The following OSBPL1A variants were observed in gnomAD, a reference collection of about 807,000 sequenced individuals.
The protein encoded by OSBPL1A is oxysterol binding protein like 1A, also known as oxysterol-binding protein-related protein 1.
A neutral mutation model predicts 137.1 loss-of-function variants in OSBPL1A; 80 were observed. The ratio of observed to expected loss-of-function variants is 0.58; its 90% CI spans 0.49 to 0.70. OSBPL1A has a LOEUF of 0.70. OSBPL1A is among the 30% of genes least tolerant of loss of function. The pLI is 0.00. For missense variants in OSBPL1A, 970 were observed against 1,129.4 expected (o/e 0.86, Z 2.02); for synonymous variants, 365 against 389.7 (o/e 0.94, Z 0.75).
Position 24,225,061 on chromosome 18 carries a change from T to G in OSBPL1A, c.1582A>C (p.Asn528His). 1 of 1,614,196 alleles carries G rather than the reference T, an allele frequency of 6.2e-7. No individual in the cohort carries two copies. The highest frequency in any genetic ancestry group is 8.5e-7 in the Non-Finnish European group (1 of 1,179,996). The change falls in exon 17 of 28, where the codon AAT (asparagine) becomes CAT (histidine). Residue 528 changes from asparagine (N) to histidine (H), a missense_variant. By Grantham distance (68) the Asn-to-His change is moderately conservative. Transcript: ENST00000319481. ...TCCTACCTGTGTTTCTTGATGCCAT[T>G]GGAGAGAGCATCTCCGCCACCACAG... ...KDCGGGDALS[N>H]GIKKHRTSLP...
intron 14 of OSBPL1A, chr18:24,302,456 C>T (rs187380865): frequency 6.6e-6 from 1 of 151,750 alleles, no homozygotes; most frequent in Admixed American, 6.6e-5. Flanking sequence ...CAGAGTCTCC[C>T]TCTGTTGCCC....
Position 24,228,581 on chromosome 18 carries a change from G to A in OSBPL1A, c.1445-3383C>T, listed in dbSNP as rs146098782. Among the ~76,000 whole-genome samples, 589 of 152,258 alleles carry A rather than the reference G, an allele frequency of 3.9e-3. 3 individuals carry two copies. Among genetic ancestry groups the A allele is most frequent in the Non-Finnish European group, 6.0e-3 (405 of 68,022 alleles). ...GCCCAGCAGCGGGGAAGTGTTTTGTGAACAAACGAGTTCAGTAGATTTCTC... is the reference window on the plus strand; with the variant it reads ...GCCCAGCAGCGGGGAAGTGTTTTGTAAACAAACGAGTTCAGTAGATTTCTC... On this transcript the variant is annotated intron_variant, in intron 16 of 27. Transcript: ENST00000319481.
intron 17 of OSBPL1A, among the ~76,000 whole-genome samples, chr18:24,209,672 T>G (rs1284480392): frequency 1.3e-5 from 2 of 152,168 alleles, no homozygotes; most frequent in African/African-American, 4.8e-5. Context: ...CTGTGGGATA[T>G]TCAAACTAAC....
At chr18:24,319,091 C>A (rs1387447779) in intron 7 of OSBPL1A, among the ~76,000 whole-genome samples, 1 of 152,194 alleles carries the variant, frequency 6.6e-6, no homozygotes, top group Non-Finnish European at 1.5e-5. Flanking sequence ...CTTACAGTTT[C>A]AGAGATCAGA....
intron 2 of OSBPL1A, among the ~76,000 whole-genome samples, chr18:24,376,761 G>A (rs1005072518): frequency 3.3e-5 from 5 of 152,244 alleles, no homozygotes; most frequent in Non-Finnish European, 7.3e-5. Flanking sequence ...GAGATCCAGC[G>A]CAGCGCCGGT....
intron 17 of OSBPL1A, among the ~76,000 whole-genome samples, chr18:24,222,017 T>C (rs2087909748): frequency 6.6e-6 from 1 of 152,188 alleles, no homozygotes; most frequent in South Asian, 2.1e-4. Context: ...TTTTTATTTC[T>C]AAGTTTTATG....
chr18:24,314,030 G>A (rs1326891723), intron 12 of OSBPL1A, among the ~76,000 whole-genome samples: 1 of 152,214 alleles, frequency 6.6e-6, no homozygotes, highest in Non-Finnish European at 1.5e-5. Flanking sequence ...GCCTGAGCCT[G>A]GGAGGCAGAG....
At chr18:24,204,991 T>C (rs1398580431) in intron 17 of OSBPL1A, among the ~76,000 whole-genome samples, 1 of 152,230 alleles carries the variant, frequency 6.6e-6, no homozygotes, top group Non-Finnish European at 1.5e-5. Context: ...CCAGGCTAGC[T>C]TTAAAGAGTT....
chr18:24,248,649 C>G (rs931905025), intron 15 of OSBPL1A, among the ~76,000 whole-genome samples: 1 of 152,168 alleles, frequency 6.6e-6, no homozygotes, highest in Non-Finnish European at 1.5e-5. Flanking sequence ...TCTGTTAGAT[C>G]GATTACTTCC....
intron 15 of OSBPL1A, among the ~76,000 whole-genome samples, chr18:24,245,012 C>A (rs924647583): frequency 7.2e-5 from 11 of 152,182 alleles, no homozygotes; most frequent in African/African-American, 2.7e-4. Context: ...CTGGTCAGTT[C>A]AACAGGATAA....
intron 15 of OSBPL1A, among the ~76,000 whole-genome samples, chr18:24,276,359 G>T (rs890034102): frequency 2.6e-5 from 4 of 152,090 alleles, no homozygotes; most frequent in Admixed American, 2.0e-4. Flanking sequence ...ACAGCATCTA[G>T]GTTTTTCTTC....
chr18:24,219,088 T>C (rs1396878542), intron 17 of OSBPL1A, among the ~76,000 whole-genome samples: 1 of 151,384 alleles, frequency 6.6e-6, no homozygotes, highest in African/African-American at 2.4e-5. Flanking sequence ...AGGCTAGGGG[T>C]TCAAGACCAG....
intron 17 of OSBPL1A, among the ~76,000 whole-genome samples, chr18:24,221,283 G>A (rs1241491321): frequency 6.6e-6 from 1 of 152,074 alleles, no homozygotes; most frequent in Non-Finnish European, 1.5e-5. Context: ...CATGTGCAGT[G>A]ACAACTGTTA....
intron 14 of OSBPL1A, among the ~76,000 whole-genome samples, chr18:24,302,915 A>C (rs987014347): frequency 2.0e-5 from 3 of 152,152 alleles, no homozygotes; most frequent in African/African-American, 7.2e-5. Context: ...CAAGAGTTAA[A>C]AGTGTTGTTC....
chr18:24,223,308 G>A (rs1194583244), intron 17 of OSBPL1A, among the ~76,000 whole-genome samples: 2 of 151,950 alleles, frequency 1.3e-5, no homozygotes, highest in Non-Finnish European at 2.9e-5. Context: ...GATTAGAGAA[G>A]AACTTTATGA....
intron 14 of OSBPL1A, among the ~76,000 whole-genome samples, chr18:24,281,244 C>T (rs955742727): frequency 3.9e-5 from 6 of 152,032 alleles, no homozygotes; most frequent in African/African-American, 1.4e-4. Context: ...CACCACCACG[C>T]CCAGCTAATT....
intron 7 of OSBPL1A, among the ~76,000 whole-genome samples, chr18:24,330,063 G>A (rs1204309451): frequency 6.6e-6 from 1 of 152,012 alleles, no homozygotes; most frequent in Non-Finnish European, 1.5e-5. Context: ...TTATCCTGAG[G>A]CTTTTTGGTA....
At chr18:24,225,756 G>A (rs1414601548) in intron 16 of OSBPL1A, among the ~76,000 whole-genome samples, 1 of 152,128 alleles carries the variant, frequency 6.6e-6, no homozygotes, top group African/African-American at 2.4e-5. Flanking sequence ...GAGGACAGGA[G>A]TTCAAGACCA....
chr18:24,379,921 C>A (rs59523414), intron 1 of OSBPL1A, among the ~76,000 whole-genome samples: 2,329 of 152,180 alleles, frequency 0.015, 49 homozygotes, highest in South Asian at 0.05. Flanking sequence ...CTAATGAGAG[C>A]CCAACAATTC....
Sources: allele counts gnomAD v4.1 joint callset (sites outside exome capture counted in the v4.1 genomes callset), GRCh38; gene constraint gnomAD v4.1.1; transcripts MANE v1.5; gene names NCBI Gene and HGNC (gene_info 2026-07-23, HGNC 2026-07-21).